ADAMTSL1: variants seen among roughly 807,000 people sequenced by gnomAD.
The protein encoded by ADAMTSL1 is ADAMTS-like protein 1.
ADAMTSL1 carries 126 observed loss-of-function variants against 201.8 expected under a neutral mutation model. That is an observed-to-expected ratio of 0.62 (90% CI 0.54 to 0.72). ADAMTSL1 has a LOEUF of 0.72. Ranked by LOEUF, ADAMTSL1 falls within the 30% of genes least tolerant of loss-of-function variation. The pLI is 0.00. For missense variants in ADAMTSL1, 2,679 were observed against 2,277.8 expected (o/e 1.18, Z -3.59); for synonymous variants, 1,121 against 903.4 (o/e 1.24, Z -4.32).
chr9:17,926,695 T>A (rs1826549886), intron 1 of ADAMTSL1, among the ~76,000 whole-genome samples: 1 of 152,230 alleles, frequency 6.6e-6, no homozygotes, highest in Non-Finnish European at 1.5e-5. Context: ...AAGTGTAATG[T>A]TATCATGAAT....
intron 1 of ADAMTSL1, among the ~76,000 whole-genome samples, chr9:17,940,364 C>T (rs56310081): frequency 0.21 from 31,837 of 151,822 alleles, 3,503 homozygotes; most frequent in Middle Eastern, 0.27. Flanking sequence ...CAGCAAGGAA[C>T]GGAAAGGACA....
rs7865199 is a variant in ADAMTSL1 at position 18,720,136 on chromosome 9, A to G, written c.1877-1400A>G. The stretch of plus-strand genomic sequence containing the variant: ...AGCTCTGCTGAAATGATTCCAGACA[A>G]ATGTCTAGGTTATTCCTAAAGATCT... On this transcript the variant is annotated intron_variant, in intron 14 of 28. Coordinates refer to ENST00000380548, the MANE Select transcript of ADAMTSL1 (RefSeq NM_001040272.6). 8.4e-3 allele frequency among the ~76,000 whole-genome samples: 1,273 copies of G among 152,198 alleles called. 26 individuals carry two copies. The highest frequency in any genetic ancestry group is 0.029 in the African/African-American group (1,188 of 41,514).
intron 24 of ADAMTSL1, among the ~76,000 whole-genome samples, chr9:18,889,090 T>A (rs1165096332): frequency 6.6e-6 from 1 of 152,222 alleles, no homozygotes; most frequent in Non-Finnish European, 1.5e-5. Flanking sequence ...ACTCTCTGCA[T>A]AGGCTCTTTT....
intron 1 of ADAMTSL1, among the ~76,000 whole-genome samples, chr9:18,058,026 G>A (rs1822275455): frequency 6.6e-6 from 1 of 152,146 alleles, no homozygotes; most frequent in Non-Finnish European, 1.5e-5. Flanking sequence ...CTGCTTCCTT[G>A]TTCATCATTG....
intron 2 of ADAMTSL1, among the ~76,000 whole-genome samples, chr9:18,194,938 T>C (rs995702436): frequency 2.6e-5 from 4 of 152,122 alleles, no homozygotes; most frequent in Admixed American, 2.0e-4. Flanking sequence ...TCAGAAGTTA[T>C]TAGCTTCTCC....
chr9:18,220,911 A>T (rs1830233755), intron 2 of ADAMTSL1, among the ~76,000 whole-genome samples: 1 of 151,832 alleles, frequency 6.6e-6, no homozygotes. Context: ...AGTAGCTGGG[A>T]CTACGAGCCT....
chr9:18,114,944 A>C (rs978578809), intron 1 of ADAMTSL1, among the ~76,000 whole-genome samples: 2 of 152,150 alleles, frequency 1.3e-5, no homozygotes, highest in African/African-American at 4.8e-5. Flanking sequence ...ACCGTGGTCG[A>C]CTTTCTCCGT....
intron 16 of ADAMTSL1, among the ~76,000 whole-genome samples, chr9:18,757,651 T>C (rs1383176022): frequency 6.6e-6 from 1 of 152,158 alleles, no homozygotes. Flanking sequence ...CTCCCTCTTC[T>C]GCAGTGACTC....
intron 1 of ADAMTSL1, among the ~76,000 whole-genome samples, chr9:18,086,842 C>T (rs1262482000): frequency 2.0e-5 from 3 of 152,088 alleles, no homozygotes; most frequent in Admixed American, 6.6e-5. Flanking sequence ...GTATTAGCTT[C>T]GTATTTTTTT....
chr9:18,329,634 C>G (rs1286111719), intron 2 of ADAMTSL1, among the ~76,000 whole-genome samples: 1 of 152,200 alleles, frequency 6.6e-6, no homozygotes, highest in Non-Finnish European at 1.5e-5. Flanking sequence ...AGTGGCTTAT[C>G]TTTATCAGCC....
intron 15 of ADAMTSL1, among the ~76,000 whole-genome samples, chr9:18,752,785 A>T (rs932139831): frequency 6.6e-6 from 1 of 152,226 alleles, no homozygotes; most frequent in Non-Finnish European, 1.5e-5. Context: ...TAAACGTAAG[A>T]CAGAGACGTT....
At chr9:18,115,355 G>A (rs544140240) in intron 1 of ADAMTSL1, among the ~76,000 whole-genome samples, 8 of 152,144 alleles carry the variant, frequency 5.3e-5, no homozygotes, top group African/African-American at 1.2e-4. Context: ...AGGCAGGAAG[G>A]CAGGCAGGGG....
intron 14 of ADAMTSL1, among the ~76,000 whole-genome samples, chr9:18,712,480 A>G (rs1485375156): frequency 6.6e-6 from 1 of 152,032 alleles, no homozygotes; most frequent in Admixed American, 6.6e-5. Flanking sequence ...GATGCGATCA[A>G]CTGGAAGAAA....
At chr9:18,649,729 G>T (rs1243964460) in intron 7 of ADAMTSL1, among the ~76,000 whole-genome samples, 1 of 152,124 alleles carries the variant, frequency 6.6e-6, no homozygotes, top group East Asian at 1.9e-4. Flanking sequence ...AAATGCTGCT[G>T]TCTGATCGTT....
intron 1 of ADAMTSL1, among the ~76,000 whole-genome samples, chr9:18,042,825 A>T (rs1821485539): frequency 6.6e-6 from 1 of 152,162 alleles, no homozygotes; most frequent in Non-Finnish European, 1.5e-5. Flanking sequence ...CATGACTGAT[A>T]TGCAGTACAG....
At chr9:18,413,025 G>A (rs1818514438) in intron 2 of ADAMTSL1, among the ~76,000 whole-genome samples, 1 of 151,836 alleles carries the variant, frequency 6.6e-6, no homozygotes, top group African/African-American at 2.4e-5. Context: ...GTTTTTAGTA[G>A]GCTCATAGAA....
chr9:18,848,301 T>C (rs1034908855), intron 23 of ADAMTSL1, among the ~76,000 whole-genome samples: 2 of 152,206 alleles, frequency 1.3e-5, no homozygotes, highest in African/African-American at 4.8e-5. Context: ...TTCTCAGGGA[T>C]TGAGGAGATT....
chr9:18,142,596 A>G (rs1647089000), intron 1 of ADAMTSL1, among the ~76,000 whole-genome samples: 1 of 152,188 alleles, frequency 6.6e-6, no homozygotes, highest in South Asian at 2.1e-4. Flanking sequence ...AAACTGAGGC[A>G]GAGATAAATA....
chr9:18,757,458 G>T (rs1262069762), intron 16 of ADAMTSL1, among the ~76,000 whole-genome samples: 1 of 152,144 alleles, frequency 6.6e-6, no homozygotes, highest in Non-Finnish European at 1.5e-5. Flanking sequence ...GATCATGACA[G>T]TCTACTGCTA....
Sources: allele counts gnomAD v4.1 joint callset (sites outside exome capture counted in the v4.1 genomes callset), GRCh38; gene constraint gnomAD v4.1.1; transcripts MANE v1.5; gene names NCBI Gene and HGNC (gene_info 2026-07-23, HGNC 2026-07-21).